GPHN: variants seen among roughly 807,000 people sequenced by gnomAD.
The protein encoded by GPHN is gephyrin.
Under a neutral mutation model 95.5 loss-of-function variants are expected in GPHN, and 17 were observed. The ratio of observed to expected loss-of-function variants is 0.18; its 90% CI spans 0.12 to 0.27. GPHN has a LOEUF of 0.27. Among genes scored for constraint, GPHN ranks in the 10% least tolerant of loss-of-function variants. GPHN has a pLI of 1.00. For missense variants in GPHN, 660 were observed against 978.1 expected, an observed-to-expected ratio of 0.67 and a Z score of 4.34; for synonymous variants, 320 against 322.5, an observed-to-expected ratio of 0.99 and a Z score of 0.08.
the GPHN span, chr14:67,610,910 T>G: frequency 6.6e-6 from 1 of 152,160 alleles, no homozygotes; most frequent in Non-Finnish European, 1.5e-5. Context: ...ATTTCTTTGC[T>G]ACAACTTCTG....
At chr14:67,480,960 G>A in the GPHN span, among the ~76,000 whole-genome samples, 1 of 152,196 alleles carries the variant, frequency 6.6e-6, no homozygotes, top group Non-Finnish European at 1.5e-5. Context: ...AGGGGTAGCT[G>A]TCAAAGGGAG....
chr14:67,078,861 A>AT (rs988228563), intron 11 of GPHN, among the ~76,000 whole-genome samples: 20 of 142,202 alleles, frequency 1.4e-4, no homozygotes, highest in Admixed American at 4.2e-4. Flanking sequence ...TTCTCTCCAT[A>AT]TTTTTTTCCC....
the GPHN span, among the ~76,000 whole-genome samples, chr14:67,660,583 C>T: frequency 6.6e-6 from 1 of 152,180 alleles, no homozygotes; most frequent in Non-Finnish European, 1.5e-5. Context: ...TTCTTCCCTT[C>T]TCCTGCTCCT....
the GPHN span, among the ~76,000 whole-genome samples, chr14:67,367,266 C>CT: frequency 3.3e-5 from 5 of 152,174 alleles, no homozygotes; most frequent in East Asian, 9.6e-4. Context: ...GAGTCTCACT[C>CT]TGTCGCCAGG....
chr14:66,552,277 C>G (rs1385615890), intron 1 of GPHN, among the ~76,000 whole-genome samples: 1 of 152,240 alleles, frequency 6.6e-6, no homozygotes. Flanking sequence ...GTTCCCATCT[C>G]ATTTTCTAAC....
intron 4 of GPHN, among the ~76,000 whole-genome samples, chr14:66,877,372 G>A (rs916129483): frequency 2.6e-5 from 4 of 152,250 alleles, no homozygotes; most frequent in African/African-American, 9.6e-5. Context: ...ACATAGTATT[G>A]GAAGTTCTGG....
chr14:67,542,483 C>T, the GPHN span, among the ~76,000 whole-genome samples: 1 of 152,188 alleles, frequency 6.6e-6, no homozygotes, highest in African/African-American at 2.4e-5. Flanking sequence ...GGGCAAGTCC[C>T]TTCACCTCTA....
intron 19 of GPHN, 134 bp downstream of exon 19, chr14:67,159,622 G>A (rs937441561): frequency 1.9e-5 from 14 of 720,798 alleles, no homozygotes; most frequent in African/African-American, 3.5e-5. Flanking sequence ...ATAGTATTAG[G>A]ATCCTTTGCA....
intron 2 of GPHN, among the ~76,000 whole-genome samples, chr14:66,747,766 G>A (rs2058209712): frequency 6.6e-6 from 1 of 152,038 alleles, no homozygotes; most frequent in African/African-American, 2.4e-5. Flanking sequence ...TTGTTAAAAT[G>A]TGCCTTAAAT....
chr14:67,550,928 C>T, the GPHN span, among the ~76,000 whole-genome samples: 1 of 152,176 alleles, frequency 6.6e-6, no homozygotes, highest in Non-Finnish European at 1.5e-5. Context: ...ACAGTACCTG[C>T]CTTCTGGGGT....
At chr14:67,551,339 G>C in the GPHN span, among the ~76,000 whole-genome samples, 1 of 152,146 alleles carries the variant, frequency 6.6e-6, no homozygotes, top group Non-Finnish European at 1.5e-5. Flanking sequence ...TCTTTGTATA[G>C]GACAAAAGCC....
chr14:67,733,917 CA>C, the GPHN span: 1 of 1,185,448 alleles, frequency 8.4e-7, no homozygotes. Flanking sequence ...AGGAGAAGGC[CA>C]ACCCTAAAGG....
chr14:67,646,892 A>G, the GPHN span: 4 of 1,499,092 alleles, frequency 2.7e-6, no homozygotes, highest in Non-Finnish European at 3.7e-6. Context: ...CTTTAAACTA[A>G]GGACTCCTCC....
the GPHN span, among the ~76,000 whole-genome samples, chr14:67,485,160 A>G: frequency 6.6e-6 from 1 of 152,240 alleles, no homozygotes; most frequent in Non-Finnish European, 1.5e-5. Flanking sequence ...TCACTGAACC[A>G]AACGGTACAA....
chr14:67,543,930 G>C, the GPHN span, among the ~76,000 whole-genome samples: 7 of 152,286 alleles, frequency 4.6e-5, no homozygotes, highest in Admixed American at 1.3e-4. Context: ...ACTCAACTCT[G>C]ACAGCTGATT....
At chr14:67,618,257 C>T in the GPHN span, among the ~76,000 whole-genome samples, 1 of 152,208 alleles carries the variant, frequency 6.6e-6, no homozygotes. Flanking sequence ...TACCGGTGCC[C>T]TACCCCTAGA....
At chr14:66,823,944 G>T (rs2061301732) in intron 3 of GPHN, among the ~76,000 whole-genome samples, 1 of 152,172 alleles carries the variant, frequency 6.6e-6, no homozygotes, top group African/African-American at 2.4e-5. Flanking sequence ...TGTAGAATGG[G>T]TTGATAGAAT....
chr14:67,537,346 A>AAT, the GPHN span, among the ~76,000 whole-genome samples: 1 of 126,602 alleles, frequency 7.9e-6, no homozygotes, highest in East Asian at 2.2e-4. Context: ...TCCATCTCAA[A>AAT]AATAATAATA....
chr14:66,651,065 C>G (rs924297024), intron 1 of GPHN, among the ~76,000 whole-genome samples: 1 of 152,180 alleles, frequency 6.6e-6, no homozygotes, highest in Non-Finnish European at 1.5e-5. Flanking sequence ...CACATCTTCT[C>G]TAATACACAG....
Sources: gnomAD v4.1 joint callset for allele counts (sites outside exome capture counted in the v4.1 genomes callset) on GRCh38, gnomAD v4.1.1 for gene constraint, MANE v1.5 for transcripts, NCBI Gene and HGNC (gene_info 2026-07-23, HGNC 2026-07-21) for gene names.